Variants in ARLN observed in about 807,000 individuals in gnomAD.
The protein encoded by ARLN is allregulin, also known as sarcoplasmic/endoplasmic reticulum calcium ATPase regulator ARLN.
the ARLN span, chr4:119,298,750 ACTT>A: frequency 1.3e-6 from 1 of 773,476 alleles, no homozygotes; most frequent in Non-Finnish European, 2.4e-6. Context: ...TCAAGAACCA[ACTT>A]CTTAATTTAG....
At chr4:119,300,765 T>G in the ARLN span, 4 of 1,480,652 alleles carry the variant, frequency 2.7e-6, no homozygotes, top group African/African-American at 5.6e-5. Flanking sequence ...GCCTTGACAC[T>G]AAGTCAATGG....
chr4:119,298,625 C>T, the ARLN span: 3 of 527,250 alleles, frequency 5.7e-6, no homozygotes, highest in Non-Finnish European at 6.9e-6. Context: ...TAGAGTTCTG[C>T]AAATTAGTAA....
At chr4:119,300,661 CCGGAATGCACT>C in the ARLN span, 1 of 1,554,338 alleles carries the variant, frequency 6.4e-7, no homozygotes, top group Non-Finnish European at 8.7e-7. Context: ...GCCCCGGGTT[CCGGAATGCACT>C]CTGAACCTAC....
At chr4:119,303,159 G>A in the ARLN span, among the ~76,000 whole-genome samples, 1 of 151,102 alleles carries the variant, frequency 6.6e-6, no homozygotes, top group South Asian at 2.1e-4. Context: ...CTGTTGATTG[G>A]TACCACAGGT....
chr4:119,301,050 G>A, the ARLN span: 2 of 354,744 alleles, frequency 5.6e-6, no homozygotes, highest in Admixed American at 4.3e-5. Flanking sequence ...TCCTACTCAC[G>A]GGACTGAGTT....
At chr4:119,300,628 C>G in the ARLN span, 15 of 1,588,952 alleles carry the variant, frequency 9.4e-6, no homozygotes, top group Non-Finnish European at 1.3e-5. Context: ...GAGCGGAGTC[C>G]GGCCGCCTGC....
chr4:119,297,505 C>G, the ARLN span: 2 of 152,208 alleles, frequency 1.3e-5, no homozygotes, highest in African/African-American at 2.4e-5. Context: ...TGCAGTGGCC[C>G]CATCTTGGCT....
the ARLN span, chr4:119,300,375 A>G: frequency 1.9e-6 from 3 of 1,612,968 alleles, no homozygotes; most frequent in Non-Finnish European, 2.5e-6. Flanking sequence ...CACCACATCG[A>G]AAAGGATGAA....
chr4:119,299,340 G>A, the ARLN span, among the ~76,000 whole-genome samples: 1 of 152,190 alleles, frequency 6.6e-6, no homozygotes, highest in African/African-American at 2.4e-5. Context: ...TATAGGATGG[G>A]GGTTGGGGGT....
the ARLN span, chr4:119,298,881 T>G: frequency 3.0e-6 from 2 of 663,358 alleles, no homozygotes; most frequent in Non-Finnish European, 5.6e-6. Context: ...CCTAGAACAT[T>G]TCTTGTAAGG....
the ARLN span, chr4:119,300,705 G>A: frequency 5.2e-6 from 8 of 1,528,808 alleles, no homozygotes; most frequent in Middle Eastern, 1.7e-4. Context: ...GCAGGCGCCT[G>A]GCTCGGCTTT....
the ARLN span, among the ~76,000 whole-genome samples, chr4:119,301,348 C>T: frequency 5.3e-5 from 8 of 151,628 alleles, no homozygotes; most frequent in South Asian, 1.7e-3. Flanking sequence ...CGCTTGAACC[C>T]GGGAGGCGGA....
chr4:119,300,543 C>T, the ARLN span: 1 of 1,614,192 alleles, frequency 6.2e-7, no homozygotes, highest in Non-Finnish European at 8.5e-7. Flanking sequence ...CATCTCGCTC[C>T]TGCAGCTTCG....
At chr4:119,300,207 G>T in the ARLN span, 1 of 745,372 alleles carries the variant, frequency 1.3e-6, no homozygotes, top group Non-Finnish European at 2.3e-6. Context: ...CCACCCGACT[G>T]CGCCACTCAC....
chr4:119,298,775 C>A, the ARLN span: 1 of 775,352 alleles, frequency 1.3e-6, no homozygotes, highest in Non-Finnish European at 2.4e-6. Flanking sequence ...TATCAGCGAA[C>A]AAGTCTGTAA....
the ARLN span, among the ~76,000 whole-genome samples, chr4:119,303,652 G>T: frequency 6.6e-6 from 1 of 152,204 alleles, no homozygotes; most frequent in Admixed American, 6.5e-5. Context: ...GGGAGGCCAA[G>T]GTGGGTGGAT....
At chr4:119,301,241 TAAA>T in the ARLN span, among the ~76,000 whole-genome samples, 679 of 100,388 alleles carry the variant, frequency 6.8e-3, 1 homozygote, top group African/African-American at 0.011. Context: ...CCGTCTCTAC[TAAA>T]AAAAAAAAAA....
the ARLN span, chr4:119,304,432 A>T: frequency 3.3e-6 from 5 of 1,529,626 alleles, no homozygotes; most frequent in African/African-American, 5.5e-5. Flanking sequence ...GGGGCTATTT[A>T]TTAGACTGGT....
At chr4:119,302,870 A>C in the ARLN span, among the ~76,000 whole-genome samples, 4 of 152,216 alleles carry the variant, frequency 2.6e-5, no homozygotes, top group Admixed American at 2.0e-4. Flanking sequence ...AAGTGCAATA[A>C]GTTTTCAGGA....
Sources: allele counts gnomAD v4.1 joint callset (sites outside exome capture counted in the v4.1 genomes callset), GRCh38; gene constraint gnomAD v4.1.1; transcripts MANE v1.5; gene names NCBI Gene and HGNC (gene_info 2026-07-23, HGNC 2026-07-21).